HECW1: variants seen among roughly 807,000 people sequenced by gnomAD.
The protein encoded by HECW1 is HECT, C2 and WW domain containing E3 ubiquitin protein ligase 1.
A neutral mutation model predicts 182.3 loss-of-function variants in HECW1; 61 were observed. That is an observed-to-expected ratio of 0.33 (90% CI 0.27 to 0.41). HECW1 has a LOEUF of 0.41. HECW1 is among the 10% of genes least tolerant of loss of function. The pLI is 1.00. For missense variants in HECW1, 1,739 were observed against 2,108.9 expected (o/e 0.82, Z 3.44); for synonymous variants, 859 against 832.6 (o/e 1.03, Z -0.55).
chr7:43,378,856 C>T (rs773728902), intron 6 of HECW1, among the ~76,000 whole-genome samples: 24 of 151,840 alleles, frequency 1.6e-4, no homozygotes, highest in Non-Finnish European at 1.5e-4. Context: ...AAGGGCAGAG[C>T]AGCAGGAATG....
At chr7:43,418,115 G>A (rs1017131401) in intron 8 of HECW1, among the ~76,000 whole-genome samples, 4 of 152,072 alleles carry the variant, frequency 2.6e-5, no homozygotes, top group African/African-American at 9.7e-5. Context: ...CCATCTTCAC[G>A]TGGTGTTCTC....
chr7:43,262,091 C>T (rs1318316541), intron 3 of HECW1, among the ~76,000 whole-genome samples: 1 of 152,002 alleles, frequency 6.6e-6, no homozygotes, highest in Non-Finnish European at 1.5e-5. Context: ...CATGGTGGAA[C>T]ACACCTGTAA....
At chr7:43,200,327 A>G (rs1794913786) in intron 2 of HECW1, among the ~76,000 whole-genome samples, 1 of 152,270 alleles carries the variant, frequency 6.6e-6, no homozygotes, top group South Asian at 2.1e-4. Flanking sequence ...AATATGATGC[A>G]GTATTTTTAA....
intron 2 of HECW1, among the ~76,000 whole-genome samples, chr7:43,180,435 G>T (rs1037061813): frequency 6.6e-6 from 1 of 151,682 alleles, no homozygotes; most frequent in South Asian, 2.1e-4. Flanking sequence ...TTGCTCTGTC[G>T]CCCAGGCTGG....
intron 22 of HECW1, among the ~76,000 whole-genome samples, chr7:43,507,618 T>A (rs1173287350): frequency 6.6e-6 from 1 of 152,196 alleles, no homozygotes; most frequent in Non-Finnish European, 1.5e-5. Flanking sequence ...ATTTAACTCA[T>A]TGGTCAAATT....
rs191029775 is a variant in HECW1, at chr7:43,127,391, C to T, written c.-32+13000C>T. Reference sequence around the variant, plus strand: ...ATACAAAATTAGCCAGGTGTGGTGGCGCATGCCTGTAATCCCAGCTACTTG... The same window carrying T: ...ATACAAAATTAGCCAGGTGTGGTGGTGCATGCCTGTAATCCCAGCTACTTG... On this transcript the variant is annotated intron_variant, in intron 2 of 29. Transcript: ENST00000395891. Among the ~76,000 whole-genome samples, 67 of 152,016 alleles carry T rather than the reference C, an allele frequency of 4.4e-4. No homozygotes were observed. The East Asian group carries it at 5.0e-3, about 11-fold the overall frequency.
intron 5 of HECW1, among the ~76,000 whole-genome samples, chr7:43,324,404 T>C (rs1810526503): frequency 6.6e-6 from 1 of 152,246 alleles, no homozygotes; most frequent in South Asian, 2.1e-4. Flanking sequence ...ATTAAAATTG[T>C]ATATAAGATG....
chr7:43,343,977 T>A (rs1033995415), intron 5 of HECW1, among the ~76,000 whole-genome samples: 1 of 151,850 alleles, frequency 6.6e-6, no homozygotes, highest in Non-Finnish European at 1.5e-5. Context: ...TGTCTCATTG[T>A]GGTTTTGATT....
chr7:43,433,588 A>T (rs1007663391), intron 8 of HECW1, among the ~76,000 whole-genome samples: 8 of 152,250 alleles, frequency 5.3e-5, no homozygotes, highest in Admixed American at 5.2e-4. Context: ...TACCATATGC[A>T]TCATTCTTGC....
At chr7:43,373,181 G>C (rs570557827) in intron 6 of HECW1, among the ~76,000 whole-genome samples, 70 of 150,524 alleles carry the variant, frequency 4.7e-4, no homozygotes, top group Non-Finnish European at 9.0e-4. Context: ...CATGCACGTT[G>C]GTGTCGTTCT....
chr7:43,277,870 C>T (rs1803363549), intron 3 of HECW1, among the ~76,000 whole-genome samples: 1 of 152,156 alleles, frequency 6.6e-6, no homozygotes, highest in African/African-American at 2.4e-5. Flanking sequence ...ACTGTACCTC[C>T]CAGGAAATGC....
intron 12 of HECW1, among the ~76,000 whole-genome samples, chr7:43,453,952 T>C (rs2077317746): frequency 6.6e-6 from 1 of 152,222 alleles, no homozygotes; most frequent in Non-Finnish European, 1.5e-5. Flanking sequence ...TAATTTCTGA[T>C]TACACTTAGC....
intron 5 of HECW1, among the ~76,000 whole-genome samples, chr7:43,326,825 C>CGGT (rs1328794471): frequency 6.6e-6 from 1 of 152,174 alleles, no homozygotes; most frequent in Admixed American, 6.5e-5. Flanking sequence ...CCAGGGGAGC[C>CGGT]GGTGGCCTTC....
intron 2 of HECW1, among the ~76,000 whole-genome samples, chr7:43,151,516 A>T (rs1457015798): frequency 6.6e-6 from 1 of 152,204 alleles, no homozygotes; most frequent in Non-Finnish European, 1.5e-5. Context: ...ATTGAAGAAC[A>T]TCTCAATTAG....
chr7:43,500,584 G>A (rs895182167), intron 19 of HECW1, 115 bp from the exon 20 acceptor site: 15 of 854,398 alleles, frequency 1.8e-5, no homozygotes, highest in Admixed American at 3.7e-5. Context: ...TACATAGGAC[G>A]TTAGGACATT....
At chr7:43,251,956 G>C (rs1034215863) in intron 3 of HECW1, among the ~76,000 whole-genome samples, 2 of 152,180 alleles carry the variant, frequency 1.3e-5, no homozygotes, top group Non-Finnish European at 2.9e-5. Context: ...AGTGCTCTGG[G>C]GGGGTACATT....
At chr7:43,237,840 G>T (rs111882544) in intron 2 of HECW1, among the ~76,000 whole-genome samples, 8 of 144,534 alleles carry the variant, frequency 5.5e-5, no homozygotes, top group Admixed American at 2.8e-4. Flanking sequence ...TTTCCCCCCC[G>T]CCGCCCCCAC....
chr7:43,400,551 A>C (rs2075372031), intron 7 of HECW1, among the ~76,000 whole-genome samples: 1 of 152,240 alleles, frequency 6.6e-6, no homozygotes, highest in Admixed American at 6.5e-5. Context: ...TTCTATTGAC[A>C]GATACCTACT....
At chr7:43,139,859 A>G (rs941267347) in intron 2 of HECW1, among the ~76,000 whole-genome samples, 5 of 152,130 alleles carry the variant, frequency 3.3e-5, no homozygotes, top group East Asian at 1.9e-4. Flanking sequence ...TACCTTCCCA[A>G]CCATTACTGT....
Sources: gnomAD v4.1 joint callset for allele counts (sites outside exome capture counted in the v4.1 genomes callset) on GRCh38, gnomAD v4.1.1 for gene constraint, MANE v1.5 for transcripts, NCBI Gene and HGNC (gene_info 2026-07-23, HGNC 2026-07-21) for gene names.